The following ARHGAP42 variants were observed in gnomAD, a reference collection of about 807,000 sequenced individuals.
ARHGAP42 encodes the protein rho GTPase-activating protein 42.
Under a neutral mutation model 125.0 loss-of-function variants are expected in ARHGAP42, and 63 were observed. The ratio of observed to expected loss-of-function variants is 0.50; its 90% CI spans 0.41 to 0.62. ARHGAP42 has a LOEUF of 0.62. Among genes scored for constraint, ARHGAP42 ranks in the 20% least tolerant of loss-of-function variants. The pLI is 0.00. For missense variants in ARHGAP42, 766 were observed against 1,024.2 expected (o/e 0.75, Z 3.44); for synonymous variants, 339 against 351.0 (o/e 0.97, Z 0.38).
At chr11:100,878,004 C>T (rs1591261698) in intron 4 of ARHGAP42, among the ~76,000 whole-genome samples, 1 of 105,546 alleles carries the variant, frequency 9.5e-6, no homozygotes, top group Non-Finnish European at 1.8e-5. Flanking sequence ...GACTCTGTCC[C>T]AGAAAAAAAA....
chr11:100,734,147 C>T (rs973256039), intron 1 of ARHGAP42, among the ~76,000 whole-genome samples: 1 of 151,304 alleles, frequency 6.6e-6, no homozygotes, highest in East Asian at 2.0e-4. Flanking sequence ...GTTGGCCAGG[C>T]TAGTCTCGAA....
At chr11:100,804,256 C>T (rs1436774412) in intron 3 of ARHGAP42, among the ~76,000 whole-genome samples, 1 of 152,118 alleles carries the variant, frequency 6.6e-6, no homozygotes, top group Non-Finnish European at 1.5e-5. Context: ...TCTCAAAGTA[C>T]TAGGATTGCA....
chr11:100,920,798 G>A (rs1205225806), intron 5 of ARHGAP42, among the ~76,000 whole-genome samples: 3 of 152,044 alleles, frequency 2.0e-5, no homozygotes, highest in African/African-American at 7.2e-5. Flanking sequence ...CATCAGTTTA[G>A]AGCCATTGAA....
intron 1 of ARHGAP42, among the ~76,000 whole-genome samples, chr11:100,750,936 C>CTTTT (rs762255065): frequency 7.9e-6 from 1 of 126,832 alleles, no homozygotes; most frequent in Non-Finnish European, 1.7e-5. Flanking sequence ...TTGATGTATA[C>CTTTT]TTTTTTTTTT....
intron 10 of ARHGAP42, among the ~76,000 whole-genome samples, chr11:100,945,335 A>T (rs1565288445): frequency 5.3e-5 from 8 of 151,904 alleles, no homozygotes; most frequent in African/African-American, 1.2e-4. Context: ...GTTGGAATCA[A>T]TTCTTTCAAA....
At chr11:100,745,702 T>G (rs1328902892) in intron 1 of ARHGAP42, among the ~76,000 whole-genome samples, 1 of 152,208 alleles carries the variant, frequency 6.6e-6, no homozygotes, top group Non-Finnish European at 1.5e-5. Context: ...ACAAACTCCT[T>G]CTTTTTCTGC....
intron 6 of ARHGAP42, among the ~76,000 whole-genome samples, chr11:100,925,082 T>C (rs1008472248): frequency 1.3e-5 from 2 of 151,994 alleles, no homozygotes; most frequent in African/African-American, 4.8e-5. Flanking sequence ...TCCACCTGTT[T>C]TGGCCTCTCA....
intron 4 of ARHGAP42, among the ~76,000 whole-genome samples, chr11:100,877,494 C>G (rs548930660): frequency 1.1e-3 from 171 of 152,310 alleles, no homozygotes; most frequent in African/African-American, 3.9e-3. Context: ...TGACCAGTAG[C>G]ATTTCATGCT....
At chr11:100,948,971 G>T (rs965221388) in intron 11 of ARHGAP42, among the ~76,000 whole-genome samples, 1 of 151,984 alleles carries the variant, frequency 6.6e-6, no homozygotes, top group Admixed American at 6.6e-5. Flanking sequence ...ACTGCCTGTG[G>T]CTTGACATTT....
chr11:100,746,175 G>C (rs1338221005), intron 1 of ARHGAP42, among the ~76,000 whole-genome samples: 1 of 151,692 alleles, frequency 6.6e-6, no homozygotes, highest in Non-Finnish European at 1.5e-5. Context: ...CTGACTGATT[G>C]ATAAGCTCTT....
At chr11:100,719,998 G>T (rs948469676) in intron 1 of ARHGAP42, among the ~76,000 whole-genome samples, 1 of 152,196 alleles carries the variant, frequency 6.6e-6, no homozygotes, top group Admixed American at 6.5e-5. Context: ...GAGTCATCAT[G>T]TCCTAGTTGA....
At chr11:100,900,269 G>A (rs906521240) in intron 4 of ARHGAP42, among the ~76,000 whole-genome samples, 3 of 152,214 alleles carry the variant, frequency 2.0e-5, no homozygotes, top group Non-Finnish European at 4.4e-5. Flanking sequence ...TTTCTGCCAA[G>A]AGTTCTCCTG....
chr11:100,926,373 G>A (rs12420294), intron 6 of ARHGAP42, among the ~76,000 whole-genome samples: 1 of 152,176 alleles, frequency 6.6e-6, no homozygotes, highest in East Asian at 1.9e-4. Flanking sequence ...TGAAGTCATG[G>A]CATAGTACCA....
chr11:100,988,773 T>A lies in ARHGAP42; in HGVS notation c.2597T>A (p.Val866Asp). 1 of 1,550,122 alleles carries A rather than the reference T, an allele frequency of 6.5e-7. No homozygotes were observed. The highest frequency in any genetic ancestry group is 8.7e-7 in the Non-Finnish European group (1 of 1,146,156). Residue 866 changes from valine to aspartate, a missense_variant, in exon 24 of 24, where the codon GTT becomes GAT. Val to Asp is a radical substitution (Grantham distance 152, BLOSUM62 -3). Around this residue, in one of 3 missense-constraint regions of ARHGAP42, gnomAD observed 308 missense variants for 369.7 expected, o/e 0.83. Coordinates refer to ENST00000298815, the MANE Select transcript of ARHGAP42 (RefSeq NM_152432.4). ...ACTTATGAAGGCAAAACAGGACTAGTTCCAGAAAATTATGTTGTCTTCCTC... is the reference window on the plus strand; with the variant it reads ...ACTTATGAAGGCAAAACAGGACTAGATCCAGAAAATTATGTTGTCTTCCTC... ...KATYEGKTGL[V>D]PENYVVFL is the part of the protein sequence containing the mutation.
In ARHGAP42 at chr11:100,713,224, A is replaced by G. The variant is rs192292324; in HGVS notation, c.154+25392A>G. ...TTTAATATCTTTTGTAATGTTTTAT[A>G]TACTATTAGAAACAAATCTCATTCC... On this transcript the variant is annotated intron_variant, in intron 1 of 23. Transcript: ENST00000298815. Among the ~76,000 whole-genome samples the G allele has an allele frequency of 3.9e-5, 6 of 152,348 alleles. No individual in the cohort carries two copies. The East Asian group carries it at 1.2e-3, about 29-fold the overall frequency.
At chr11:100,730,003 G>A (rs2120301623) in intron 1 of ARHGAP42, among the ~76,000 whole-genome samples, 1 of 152,004 alleles carries the variant, frequency 6.6e-6, no homozygotes, top group Non-Finnish European at 1.5e-5. Context: ...TAGAGACGAG[G>A]TTTCATCATG....
At chr11:100,738,195 T>G (rs1862107042) in intron 1 of ARHGAP42, among the ~76,000 whole-genome samples, 1 of 152,238 alleles carries the variant, frequency 6.6e-6, no homozygotes, top group Non-Finnish European at 1.5e-5. Flanking sequence ...AAATACTGAC[T>G]TGGTTAAAAT....
At chr11:100,873,371 C>T (rs1384043790) in intron 4 of ARHGAP42, among the ~76,000 whole-genome samples, 1 of 152,052 alleles carries the variant, frequency 6.6e-6, no homozygotes, top group East Asian at 1.9e-4. Flanking sequence ...GTGGTATTTT[C>T]TATTGCATTT....
At chr11:100,810,998 C>T (rs1297779445) in intron 3 of ARHGAP42, among the ~76,000 whole-genome samples, 1 of 152,006 alleles carries the variant, frequency 6.6e-6, no homozygotes, top group East Asian at 1.9e-4. Context: ...CTGTGTTACC[C>T]CGGCTGGAGT....
Sources: allele counts gnomAD v4.1 joint callset (sites outside exome capture counted in the v4.1 genomes callset), GRCh38; gene constraint gnomAD v4.1.1; regional missense constraint gnomAD v4.1.1; transcripts MANE v1.5; gene names NCBI Gene and HGNC (gene_info 2026-07-23, HGNC 2026-07-21).